The following AGMO variants were observed in gnomAD, a reference collection of about 807,000 sequenced individuals.
AGMO encodes glyceryl-ether monooxygenase.
Under a neutral mutation model 60.2 loss-of-function variants are expected in AGMO, and 75 were observed. The ratio of observed to expected loss-of-function variants is 1.25; its 90% CI spans 1.03 to 1.51. AGMO has a LOEUF of 1.51. Ranked by LOEUF, AGMO falls within the 40% of genes most tolerant of loss-of-function variation. AGMO has a pLI of 0.00. For missense variants in AGMO, 763 were observed against 525.5 expected (o/e 1.45, Z -4.42); for synonymous variants, 261 against 177.1 (o/e 1.47, Z -3.76).
the AGMO span, among the ~76,000 whole-genome samples, chr7:15,182,272 A>G: frequency 6.6e-6 from 1 of 152,162 alleles, no homozygotes; most frequent in Non-Finnish European, 1.5e-5. Flanking sequence ...TTCTGCAGAT[A>G]GACAGTGCTA....
chr7:15,386,547 G>C (rs574644552), intron 9 of AGMO, among the ~76,000 whole-genome samples: 8 of 152,108 alleles, frequency 5.3e-5, no homozygotes, highest in South Asian at 2.1e-4. Context: ...GAACATAAAC[G>C]GAAGTGGGAA....
intron 3 of AGMO, among the ~76,000 whole-genome samples, chr7:15,519,132 G>C (rs1783907802): frequency 6.6e-6 from 1 of 151,626 alleles, no homozygotes; most frequent in Non-Finnish European, 1.5e-5. Flanking sequence ...AGAATGAAAA[G>C]GAACAAACAA....
At chr7:15,322,035 G>A (rs912520881) in intron 12 of AGMO, among the ~76,000 whole-genome samples, 1 of 151,902 alleles carries the variant, frequency 6.6e-6, no homozygotes, top group African/African-American at 2.4e-5. Flanking sequence ...GCTAAGAATG[G>A]TGGCATGCAC....
At chr7:15,357,465 A>T (rs1213647469) in intron 12 of AGMO, among the ~76,000 whole-genome samples, 1 of 152,078 alleles carries the variant, frequency 6.6e-6, no homozygotes, top group African/African-American at 2.4e-5. Flanking sequence ...CCATAAATTT[A>T]TGTGTGCCCT....
the AGMO span, among the ~76,000 whole-genome samples, chr7:15,163,093 GA>G: frequency 6.6e-6 from 1 of 152,214 alleles, no homozygotes; most frequent in East Asian, 1.9e-4. Context: ...TATTGTAATT[GA>G]AATTGAGTTC....
At chr7:15,556,718 TAAAC>T (rs1473690648) in intron 2 of AGMO, among the ~76,000 whole-genome samples, 1 of 152,124 alleles carries the variant, frequency 6.6e-6, no homozygotes, top group African/African-American at 2.4e-5. Flanking sequence ...TACGTTTGCT[TAAAC>T]AATAGATTTG....
intron 12 of AGMO, among the ~76,000 whole-genome samples, chr7:15,361,746 G>C (rs975404669): frequency 6.6e-6 from 1 of 151,980 alleles, no homozygotes. Flanking sequence ...ATGCAAAACA[G>C]ATAAATAACT....
At chr7:15,454,852 A>G (rs1781957063) in intron 3 of AGMO, among the ~76,000 whole-genome samples, 1 of 152,098 alleles carries the variant, frequency 6.6e-6, no homozygotes, top group African/African-American at 2.4e-5. Context: ...CATATAAACA[A>G]AAACAGCAAA....
chr7:15,229,905 C>G (rs1324461445), intron 12 of AGMO, among the ~76,000 whole-genome samples: 1 of 151,374 alleles, frequency 6.6e-6, no homozygotes, highest in African/African-American at 2.4e-5. Flanking sequence ...GAAACATTAT[C>G]TAATACTTTG....
At chr7:15,524,298 T>C (rs1047703723) in intron 3 of AGMO, among the ~76,000 whole-genome samples, 2 of 152,012 alleles carry the variant, frequency 1.3e-5, no homozygotes. Flanking sequence ...TGCTGGGTAA[T>C]GGTGTAAAAG....
chr7:15,259,255 C>T (rs1002939509), intron 12 of AGMO, among the ~76,000 whole-genome samples: 2 of 151,602 alleles, frequency 1.3e-5, no homozygotes, highest in African/African-American at 4.8e-5. Context: ...TAGAGAAATG[C>T]AAAATGCACT....
At chr7:15,375,797 T>A (rs1783430268) in intron 10 of AGMO, among the ~76,000 whole-genome samples, 1 of 152,124 alleles carries the variant, frequency 6.6e-6, no homozygotes, top group Admixed American at 6.5e-5. Context: ...AATTTTTACA[T>A]ACACTTAACA....
intron 3 of AGMO, among the ~76,000 whole-genome samples, chr7:15,438,379 T>C (rs1781458247): frequency 1.3e-5 from 2 of 152,142 alleles, no homozygotes; most frequent in Non-Finnish European, 2.9e-5. Context: ...AACTAGAAGG[T>C]AGATATTTAT....
At chr7:15,158,725 T>C in the AGMO span, among the ~76,000 whole-genome samples, 1 of 152,216 alleles carries the variant, frequency 6.6e-6, no homozygotes, top group Non-Finnish European at 1.5e-5. Flanking sequence ...CAGCATAGAA[T>C]TGATTGCCTC....
At chr7:15,396,586 T>C (rs1016501006) in intron 5 of AGMO, 1 of 152,300 alleles carries the variant, frequency 6.6e-6, no homozygotes, top group African/African-American at 2.4e-5. Flanking sequence ...GCTCCTTGCT[T>C]GGATCGCCAG....
intron 12 of AGMO, among the ~76,000 whole-genome samples, chr7:15,341,642 A>G (rs1781851310): frequency 6.6e-6 from 1 of 152,124 alleles, no homozygotes; most frequent in African/African-American, 2.4e-5. Context: ...ACAGCAGCAC[A>G]CCACTACCCA....
At chr7:15,252,846 CG>C (rs1449796543) in intron 12 of AGMO, among the ~76,000 whole-genome samples, 5 of 151,920 alleles carry the variant, frequency 3.3e-5, no homozygotes, top group African/African-American at 1.2e-4. Context: ...AAAGGGTGGG[CG>C]GGGGCAGTAA....
intron 12 of AGMO, among the ~76,000 whole-genome samples, chr7:15,282,564 A>G (rs528026753): frequency 6.6e-6 from 1 of 152,318 alleles, no homozygotes; most frequent in Admixed American, 6.5e-5. Flanking sequence ...CAATGTCTCC[A>G]AGAAATATGA....
the AGMO span, among the ~76,000 whole-genome samples, chr7:15,160,506 CT>C: frequency 1.1e-4 from 16 of 151,486 alleles, no homozygotes; most frequent in East Asian, 5.8e-4. Flanking sequence ...ATTTGTCCAT[CT>C]TTTTTTTTCC....
Sources: gnomAD v4.1 joint callset for allele counts (sites outside exome capture counted in the v4.1 genomes callset) on GRCh38, gnomAD v4.1.1 for gene constraint, MANE v1.5 for transcripts, NCBI Gene and HGNC (gene_info 2026-07-23, HGNC 2026-07-21) for gene names.